Variants in SLC25A13 observed in about 807,000 individuals in gnomAD.
SLC25A13 encodes the protein solute carrier family 25 member 13.
A neutral mutation model predicts 85.5 loss-of-function variants in SLC25A13; 70 were observed. The ratio of observed to expected loss-of-function variants is 0.82; its 90% CI spans 0.68 to 1.00. SLC25A13 has a LOEUF of 1.00. SLC25A13 is among the 50% of genes least tolerant of loss of function. The pLI, the probability that SLC25A13 is intolerant of heterozygous loss-of-function variation, is 0.00. For synonymous variants in SLC25A13, 259 were observed against 288.7 expected (o/e 0.90, Z 1.04); for missense variants, 765 against 819.8 (o/e 0.93, Z 0.82).
At chr7:96,262,016 C>T (rs1310800464) in intron 3 of SLC25A13, among the ~76,000 whole-genome samples, 1 of 152,172 alleles carries the variant, frequency 6.6e-6, no homozygotes, top group Non-Finnish European at 1.5e-5. Flanking sequence ...TTCCCAACAC[C>T]GTTGCAATAG....
At chr7:96,292,567 C>T (rs1799170067) in intron 2 of SLC25A13, among the ~76,000 whole-genome samples, 2 of 152,192 alleles carry the variant, frequency 1.3e-5, no homozygotes, top group Non-Finnish European at 2.9e-5. Context: ...AGCTGATAAG[C>T]AACTTCAGCA....
At chr7:96,125,115 G>C (rs886093080) in intron 15 of SLC25A13, among the ~76,000 whole-genome samples, 8 of 151,094 alleles carry the variant, frequency 5.3e-5, no homozygotes, top group Admixed American at 2.0e-4. Flanking sequence ...TTTTGAGACT[G>C]AGTTTTGCTC....
intron 1 of SLC25A13, among the ~76,000 whole-genome samples, chr7:96,321,671 C>T (rs1192037268): frequency 6.6e-6 from 1 of 152,188 alleles, no homozygotes; most frequent in East Asian, 1.9e-4. Flanking sequence ...GGCTCAGCCC[C>T]GTCAGGCACC....
At chr7:96,189,241 G>T in intron 9 of SLC25A13, 53 bp downstream of exon 9, 1 of 1,498,720 alleles carries the variant, frequency 6.7e-7, no homozygotes, top group Non-Finnish European at 9.3e-7. Flanking sequence ...GAACAGGGTT[G>T]GGGTATCCTG....
intron 7 of SLC25A13, among the ~76,000 whole-genome samples, chr7:96,190,380 C>T (rs562381452): frequency 3.3e-5 from 5 of 152,044 alleles, no homozygotes; most frequent in South Asian, 2.1e-4. Flanking sequence ...CATGAGCCAC[C>T]GCACCGGCTC....
chr7:96,192,534 C>T (rs1348976374), intron 6 of SLC25A13, among the ~76,000 whole-genome samples: 12 of 152,106 alleles, frequency 7.9e-5, no homozygotes, highest in Admixed American at 7.9e-4. Context: ...GCAGCTGACA[C>T]CTGGAGGAGG....
At chr7:96,282,721 T>C (rs1295576941) in intron 2 of SLC25A13, among the ~76,000 whole-genome samples, 1 of 152,232 alleles carries the variant, frequency 6.6e-6, no homozygotes, top group Non-Finnish European at 1.5e-5. Context: ...GAAAAAAATG[T>C]ATAAACTAAC....
At chr7:96,295,982 T>G (rs1422635604) in intron 2 of SLC25A13, among the ~76,000 whole-genome samples, 8 of 152,022 alleles carry the variant, frequency 5.3e-5, no homozygotes, top group Non-Finnish European at 1.2e-4. Context: ...CATAAAGGTG[T>G]TTCGGTGTCT....
intron 14 of SLC25A13, among the ~76,000 whole-genome samples, chr7:96,137,652 T>A (rs1344303753): frequency 6.6e-6 from 1 of 152,170 alleles, no homozygotes; most frequent in Non-Finnish European, 1.5e-5. Flanking sequence ...TTCTTTATTA[T>A]TATTATTTTT....
At chr7:96,179,253 C>T (rs1415008626) in intron 11 of SLC25A13, among the ~76,000 whole-genome samples, 2 of 152,202 alleles carry the variant, frequency 1.3e-5, no homozygotes, top group Non-Finnish European at 2.9e-5. Context: ...TTTCTTCTAT[C>T]TAAACTATTT....
intron 4 of SLC25A13, among the ~76,000 whole-genome samples, chr7:96,214,070 T>C (rs1795796730): frequency 6.6e-6 from 1 of 152,240 alleles, no homozygotes; most frequent in Admixed American, 6.5e-5. Flanking sequence ...AGGTTCCTTT[T>C]ACTTGTGGAA....
In SLC25A13 at chr7:96,238,400, T is replaced by C. The variant is rs571999133; in HGVS notation, c.213-3483A>G. Among the ~76,000 whole-genome samples, 123 of 151,824 alleles carry C rather than the reference T, an allele frequency of 8.1e-4. 1 individual carries two copies. The highest frequency in any genetic ancestry group is 2.9e-3 in the African/African-American group (121 of 41,446). On this transcript the variant is annotated intron_variant, in intron 3 of 17. Coordinates refer to ENST00000265631, the MANE Select transcript of SLC25A13 (RefSeq NM_014251.3). ...AACTTAGGACAACTAATTTGTTTTT[T>C]TTTTTAAAGCTTCCCAGTTTGCGGT...
At chr7:96,281,847 C>G (rs2116953330) in intron 2 of SLC25A13, among the ~76,000 whole-genome samples, 1 of 152,294 alleles carries the variant, frequency 6.6e-6, no homozygotes, top group East Asian at 1.9e-4. Context: ...AAGCTCATCA[C>G]CACGGCTGGG....
chr7:96,165,475 A>G (rs1282806612), intron 13 of SLC25A13, among the ~76,000 whole-genome samples: 2 of 152,220 alleles, frequency 1.3e-5, no homozygotes, highest in African/African-American at 4.8e-5. Flanking sequence ...TAACAGACAT[A>G]CGCAGTATCT....
chr7:96,265,000 C>T (rs1206710926), intron 3 of SLC25A13, among the ~76,000 whole-genome samples: 1 of 152,180 alleles, frequency 6.6e-6, no homozygotes, highest in Non-Finnish European at 1.5e-5. Context: ...AGGATTTCAG[C>T]CTCACACAGA....
At chr7:96,262,467 G>T (rs948873684) in intron 3 of SLC25A13, among the ~76,000 whole-genome samples, 2 of 151,918 alleles carry the variant, frequency 1.3e-5, no homozygotes, top group African/African-American at 2.4e-5. Flanking sequence ...GTAACTCAAG[G>T]TTCAATATAA....
Position 96,223,920 on chromosome 7 carries a change from A to G in SLC25A13, c.328+10882T>C, listed in dbSNP as rs548162843. ...ATAGGTAATGTCTTAAATTAGCATT[A>G]TAAGATACATCACTGGTATATATGC... On this transcript the variant is annotated intron_variant, in intron 4 of 17. Coordinates refer to ENST00000265631, the MANE Select transcript of SLC25A13 (RefSeq NM_014251.3). Among the ~76,000 whole-genome samples the G allele has an allele frequency of 8.5e-5, 13 of 152,292 alleles. No homozygotes were observed. The South Asian group carries it at 1.9e-3, about 22-fold the overall frequency.
intron 4 of SLC25A13, among the ~76,000 whole-genome samples, chr7:96,233,361 T>C (rs1382089022): frequency 6.6e-6 from 1 of 152,194 alleles, no homozygotes; most frequent in Non-Finnish European, 1.5e-5. Flanking sequence ...TTTCTAAAAA[T>C]TGGTATTCCA....
chr7:96,120,353 G>C lies in SLC25A13; in HGVS notation c.*838C>G, dbSNP rs1041632016. On this transcript the variant is annotated 3_prime_UTR_variant, in exon 18 of 18. Coordinates refer to ENST00000265631, the MANE Select transcript of SLC25A13 (RefSeq NM_014251.3). Reference sequence around the variant, plus strand: ...ATTCAAGATAAAGTGGATTTTAAAAGCAAGTGGGTACCAATGATGGGGAGA... The same window carrying C: ...ATTCAAGATAAAGTGGATTTTAAAACCAAGTGGGTACCAATGATGGGGAGA... The C allele has an allele frequency of 2.2e-6, 1 of 454,080 alleles. No individual in the cohort carries two copies. The highest frequency in any genetic ancestry group is 2.3e-5 in the Admixed American group (1 of 42,564). The allele number at this position is 454,080 out of a possible 1,614,324, so 28.1% of individuals were successfully genotyped here. A position where few individuals can be genotyped will look rare whatever the true frequency, so the allele number is the denominator to read the frequency against.
Sources: allele counts gnomAD v4.1 joint callset (sites outside exome capture counted in the v4.1 genomes callset), GRCh38; gene constraint gnomAD v4.1.1; transcripts MANE v1.5; gene names NCBI Gene and HGNC (gene_info 2026-07-23, HGNC 2026-07-21).